The following ZNF831 variants were observed in gnomAD, a reference collection of about 807,000 sequenced individuals.
ZNF831 encodes the protein zinc finger protein 831, also known as chromosome 20 open reading frame 174.
In ZNF831, 59 loss-of-function variants were observed where a neutral mutation model predicts 95.8. The observed-to-expected ratio is 0.62, with a 90% confidence interval of 0.50 to 0.77. The LOEUF is 0.77. Ranked by LOEUF, ZNF831 falls within the 30% of genes least tolerant of loss-of-function variation. ZNF831 has a pLI of 0.00. For synonymous variants in ZNF831, 961 were observed against 925.5 expected (o/e 1.04, Z -0.70); for missense variants, 2,205 against 2,164.0 (o/e 1.02, Z -0.38).
At chr20:59,207,774 G>T (rs1985004176) in intron 4 of ZNF831, among the ~76,000 whole-genome samples, 1 of 152,194 alleles carries the variant, frequency 6.6e-6, no homozygotes, top group African/African-American at 2.4e-5. Flanking sequence ...GGGAAATGCT[G>T]CAGGGTCCCA....
intron 1 of ZNF831, among the ~76,000 whole-genome samples, chr20:59,173,988 G>A (rs1981945173): frequency 6.6e-6 from 1 of 152,208 alleles, no homozygotes; most frequent in African/African-American, 2.4e-5. Context: ...AAGCAGAGAA[G>A]TTGGCTGATT....
intron 4 of ZNF831, among the ~76,000 whole-genome samples, chr20:59,213,209 T>G (rs752834222): frequency 6.6e-6 from 1 of 152,232 alleles, no homozygotes. Context: ...TAAAAATGTA[T>G]GTCCTCATCA....
At chr20:59,170,184 G>C (rs1200792381) in intron 1 of ZNF831, among the ~76,000 whole-genome samples, 1 of 151,996 alleles carries the variant, frequency 6.6e-6, no homozygotes. Context: ...GTATATATTT[G>C]TGGGGTACAT....
chr20:59,198,828 G>C (rs1174266299), intron 3 of ZNF831, among the ~76,000 whole-genome samples: 1 of 152,092 alleles, frequency 6.6e-6, no homozygotes, highest in African/African-American at 2.4e-5. Context: ...CAGCTTCAAG[G>C]CCTTTGCACC....
At chr20:59,144,572 AT>A (rs1276859475) in intron 1 of ZNF831, among the ~76,000 whole-genome samples, 7 of 152,050 alleles carry the variant, frequency 4.6e-5, no homozygotes, top group African/African-American at 1.7e-4. Context: ...GACTTAACCC[AT>A]TTTCATATGA....
intron 3 of ZNF831, among the ~76,000 whole-genome samples, chr20:59,196,390 A>G (rs1462912851): frequency 2.6e-5 from 4 of 152,224 alleles, no homozygotes; most frequent in African/African-American, 9.7e-5. Context: ...AAAACATCCT[A>G]GTAATCTCGC....
At chr20:59,196,615 C>G (rs924718330) in intron 3 of ZNF831, among the ~76,000 whole-genome samples, 1 of 152,106 alleles carries the variant, frequency 6.6e-6, no homozygotes, top group African/African-American at 2.4e-5. Context: ...TTCTCTAACC[C>G]CTGCCCTCTT....
chr20:59,195,598 G>C (rs1984033726), intron 2 of ZNF831, among the ~76,000 whole-genome samples: 1 of 152,190 alleles, frequency 6.6e-6, no homozygotes, highest in South Asian at 2.1e-4. Flanking sequence ...TAAAGGGGCT[G>C]GTCACCGTGT....
intron 1 of ZNF831, among the ~76,000 whole-genome samples, chr20:59,172,918 G>A (rs1190355469): frequency 6.6e-6 from 1 of 152,166 alleles, no homozygotes; most frequent in Non-Finnish European, 1.5e-5. Flanking sequence ...ATTTCCTTCT[G>A]GGTCATAGTG....
intron 4 of ZNF831, among the ~76,000 whole-genome samples, chr20:59,235,320 C>T (rs1358611498): frequency 1.3e-5 from 2 of 152,154 alleles, no homozygotes; most frequent in Non-Finnish European, 2.9e-5. Context: ...GACTTTTGAC[C>T]CACAGGGGTT....
In ZNF831 at chr20:59,237,408, G is replaced by A. The variant is rs182295235; in HGVS notation, c.4028-15570G>A. On this transcript the variant is annotated intron_variant, in intron 4 of 5. Coordinates refer to ENST00000371030, the MANE Select transcript of ZNF831 (RefSeq NM_178457.3). Reference sequence around the variant, plus strand: ...GTCACCCAGGCTGGAGTGCAGTGGCGCGATCTCAGCTCACTACAACCTCTG... The same window carrying A: ...GTCACCCAGGCTGGAGTGCAGTGGCACGATCTCAGCTCACTACAACCTCTG... Among the ~76,000 whole-genome samples, 14 of 152,182 alleles carry A rather than the reference G, an allele frequency of 9.2e-5. 1 individual carries two copies. The highest frequency in any genetic ancestry group is 1.9e-4 in the East Asian group (1 of 5,156).
upstream of ZNF831, chr20:59,160,328 A>G (rs1980779382): frequency 6.6e-6 from 1 of 152,314 alleles, no homozygotes; most frequent in Non-Finnish European, 1.5e-5. Flanking sequence ...AATTCCCAGA[A>G]GAGGATCATG....
At chr20:59,151,276 G>A (rs2146457019) in intron 2 of ZNF831, among the ~76,000 whole-genome samples, 1 of 152,286 alleles carries the variant, frequency 6.6e-6, no homozygotes, top group East Asian at 1.9e-4. Flanking sequence ...TGTCTCCTGG[G>A]ATAACCCTTC....
At chr20:59,160,194 T>C (rs1018438660), upstream of ZNF831, 2 of 152,312 alleles carry the variant, frequency 1.3e-5, no homozygotes, top group Non-Finnish European at 2.9e-5. Flanking sequence ...TGGCTGACCT[T>C]GGGAGGACTT....
At chr20:59,149,671 G>A (rs1483074451) in intron 2 of ZNF831, among the ~76,000 whole-genome samples, 2 of 152,246 alleles carry the variant, frequency 1.3e-5, no homozygotes, top group Admixed American at 1.3e-4. Context: ...GCCCCTGTAT[G>A]GAGAGCAGAC....
intron 1 of ZNF831, among the ~76,000 whole-genome samples, chr20:59,172,935 T>C (rs988279407): frequency 3.9e-5 from 6 of 152,264 alleles, no homozygotes; most frequent in South Asian, 2.1e-4. Flanking sequence ...AGTGAGCACC[T>C]GTCTCCTTGG....
chr20:59,156,386 C>T (rs1020541322), intron 2 of ZNF831, among the ~76,000 whole-genome samples: 19 of 152,032 alleles, frequency 1.2e-4, no homozygotes, highest in African/African-American at 4.6e-4. Flanking sequence ...ATTAGCCAGG[C>T]TTGGTGGTGG....
chr20:59,158,688 A>G (rs421617), intron 2 of ZNF831, among the ~76,000 whole-genome samples: 143,552 of 152,312 alleles, frequency 0.94, 67,734 homozygotes, highest in East Asian at 1. Context: ...CCCCCTGGGG[A>G]CACTTTTGTT....
intron 3 of ZNF831, among the ~76,000 whole-genome samples, chr20:59,196,934 G>C (rs906707401): frequency 6.7e-6 from 1 of 149,416 alleles, no homozygotes; most frequent in African/African-American, 2.5e-5. Context: ...GGGCCACCAC[G>C]CCCAGCTATT....
Sources: gnomAD v4.1 joint callset for allele counts (sites outside exome capture counted in the v4.1 genomes callset) on GRCh38, gnomAD v4.1.1 for gene constraint, MANE v1.5 for transcripts, NCBI Gene and HGNC (gene_info 2026-07-23, HGNC 2026-07-21) for gene names.